The following SHCBP1L variants were observed in gnomAD, a reference collection of about 807,000 sequenced individuals.
SHCBP1L encodes SHC binding and spindle associated 1 like.
SHCBP1L carries 67 observed loss-of-function variants against 62.5 expected under a neutral mutation model. The observed-to-expected ratio is 1.07, with a 90% CI of 0.88 to 1.31. SHCBP1L has a LOEUF of 1.31. Among genes scored for constraint, SHCBP1L ranks in the 40% most tolerant of loss-of-function variants. The probability of loss-of-function intolerance (pLI) is 0.00; values close to 1 mark genes in which losing one functional copy is unlikely to be tolerated. For missense variants in SHCBP1L, 823 were observed against 809.8 expected (o/e 1.02, Z -0.20); for synonymous variants, 284 against 289.4 (o/e 0.98, Z 0.19).
rs371432299 is a variant in SHCBP1L at position 182,915,161 on chromosome 1, CAAAAAAAAAAAAA to C, written c.1183-9525_1183-9513del. On this transcript the variant is annotated intron_variant, in intron 6 of 9. Transcript: ENST00000367547. The stretch of plus-strand genomic sequence containing the variant: ...TGGGCAACAGAGGCAGACTCTGTCT[CAAAAAAAAAAAAA>C]AAAAAAAAAAAAAAAAAAAAAGAAT... Among the ~76,000 whole-genome samples, 70 of 31,892 alleles carry C rather than the reference CAAAAAAAAAAAAA, an allele frequency of 2.2e-3. No individual in the cohort carries two copies. In the East Asian group the frequency reaches 0.043, roughly 20 times the overall value. 20.9% of individuals were successfully genotyped at this position (31,892 alleles called of 152,430 possible).
intron 6 of SHCBP1L, among the ~76,000 whole-genome samples, chr1:182,914,552 A>C (rs961587609): frequency 1.3e-5 from 2 of 152,184 alleles, no homozygotes; most frequent in Non-Finnish European, 2.9e-5. Flanking sequence ...ATCAATTCAA[A>C]CTCAATCGTT....
chr1:182,950,363 C>T (rs1360414997), intron 2 of SHCBP1L, among the ~76,000 whole-genome samples: 2 of 152,114 alleles, frequency 1.3e-5, no homozygotes, highest in Non-Finnish European at 2.9e-5. Flanking sequence ...TGCAGTGACT[C>T]ATGCCTGTAA....
At chr1:182,949,253 T>C (rs372643812) in intron 2 of SHCBP1L, among the ~76,000 whole-genome samples, 2 of 149,596 alleles carry the variant, frequency 1.3e-5, no homozygotes, top group African/African-American at 2.5e-5. Flanking sequence ...TAAAACCTGA[T>C]TGAAAAAAAA....
At chr1:182,934,876 T>G (rs1651116558) in intron 5 of SHCBP1L, among the ~76,000 whole-genome samples, 1 of 152,186 alleles carries the variant, frequency 6.6e-6, no homozygotes, top group South Asian at 2.1e-4. Context: ...TTTTTGGATA[T>G]AGATATTCAA....
chr1:182,952,815 G>GCA lies in SHCBP1L; in HGVS notation c.317_318dup (p.Pro107CysfsTer9). On this transcript the variant is annotated frameshift_variant, in exon 1 of 10. Coordinates refer to ENST00000367547, the MANE Select transcript of SHCBP1L (RefSeq NM_030933.4). LOFTEE classifies it high-confidence loss of function. ...CTCATACGGGACACGCAGACTGGGG[G>GCA]CAGGGGCTGCGCCTCCTCTTCATCC... 2 of 1,612,566 alleles carry GCA rather than the reference G, an allele frequency of 1.2e-6. No individual in the cohort carries two copies. The highest frequency in any genetic ancestry group is 2.2e-5 in the South Asian group (2 of 90,926).
At chr1:182,907,689 C>T (rs914005721) in intron 6 of SHCBP1L, among the ~76,000 whole-genome samples, 1 of 151,862 alleles carries the variant, frequency 6.6e-6, no homozygotes, top group Non-Finnish European at 1.5e-5. Flanking sequence ...AGTGATTCTC[C>T]TGCCTCAGCC....
chr1:182,924,974 GAAA>G lies in SHCBP1L; in HGVS notation c.1182+4670_1182+4672del, dbSNP rs772984933. ...AGAAAGAAAGAAAGAAAGAAAGAAA[GAAA>G]AAAAAAGGAAGAAGGAAAGGAAGGA... On this transcript the variant is annotated intron_variant, in intron 6 of 9. Coordinates refer to ENST00000367547, the MANE Select transcript of SHCBP1L (RefSeq NM_030933.4). Among the ~76,000 whole-genome samples, 883 of 109,412 alleles carry G rather than the reference GAAA, an allele frequency of 8.1e-3. 4 individuals carry two copies. The highest frequency in any genetic ancestry group is 0.023 in the African/African-American group (610 of 26,066). The allele number at this position is 109,412 out of a possible 152,430, so 71.8% of individuals were successfully genotyped here. A position where few individuals can be genotyped will look rare whatever the true frequency, so the allele number is the denominator to read the frequency against.
chr1:182,913,004 G>A (rs1410395230), intron 6 of SHCBP1L, among the ~76,000 whole-genome samples: 16 of 151,698 alleles, frequency 1.1e-4, no homozygotes, highest in Non-Finnish European at 1.5e-5. Context: ...GTGTGGTGGT[G>A]TGCGCCTGTA....
rs762896517 is a variant in SHCBP1L at position 182,940,559 on chromosome 1, TAA to T, written c.556-18_556-17del. The T allele has an allele frequency of 1.3e-6, 2 of 1,593,680 alleles. No individual in the cohort carries two copies. Among genetic ancestry groups the T allele is most frequent in the Admixed American group, 3.4e-5 (2 of 59,454 alleles). On this transcript the variant is annotated splice_polypyrimidine_tract_variant and intron_variant, in intron 2 of 9. Transcript: ENST00000367547. ...CACAAGTTACCTAAGATAAATATCATAAGAGATAAGAGATATAGTTATAAATA... is the reference window on the plus strand; with the variant it reads ...CACAAGTTACCTAAGATAAATATCATGAGATAAGAGATATAGTTATAAATA...
chr1:182,928,237 A>G (rs1036809804), intron 6 of SHCBP1L, among the ~76,000 whole-genome samples: 2 of 152,096 alleles, frequency 1.3e-5, no homozygotes, highest in African/African-American at 2.4e-5. Context: ...CCTCATATAT[A>G]CTAACCTCTC....
At chr1:182,919,232 G>A (rs533724589) in intron 6 of SHCBP1L, among the ~76,000 whole-genome samples, 2 of 152,298 alleles carry the variant, frequency 1.3e-5, no homozygotes, top group Non-Finnish European at 2.9e-5. Flanking sequence ...CAGTTCTGGA[G>A]GCTAGGAAGT....
At chr1:182,908,320 C>T (rs12410286) in intron 6 of SHCBP1L, among the ~76,000 whole-genome samples, 1,526 of 152,114 alleles carry the variant, frequency 0.01, 23 homozygotes, top group African/African-American at 0.032. Context: ...ATGTTTGTGT[C>T]CATGTGTGCT....
At chr1:182,932,724 A>G (rs1651047679) in intron 5 of SHCBP1L, among the ~76,000 whole-genome samples, 2 of 152,112 alleles carry the variant, frequency 1.3e-5, no homozygotes, top group African/African-American at 2.4e-5. Context: ...CGAACTCTTG[A>G]CCTCAGGTGA....
intron 2 of SHCBP1L, among the ~76,000 whole-genome samples, chr1:182,950,220 A>C (rs1445373132): frequency 6.6e-6 from 1 of 152,228 alleles, no homozygotes; most frequent in African/African-American, 2.4e-5. Context: ...TAAACTAACT[A>C]TCTGGGGTAA....
chr1:182,952,768 C>T lies in SHCBP1L; in HGVS notation c.366G>A (p.Lys122=). 1.2e-6 allele frequency: 2 copies of T among 1,612,020 alleles called. No homozygotes were observed. The highest frequency in any genetic ancestry group is 1.7e-6 in the Non-Finnish European group (2 of 1,179,248). The change falls in exon 1 of 10, where the codon AAG becomes AAA. Residue 122 remains lysine (K), a synonymous_variant. Coordinates refer to ENST00000367547, the MANE Select transcript of SHCBP1L (RefSeq NM_030933.4). ...GCACTTCGTCGCAATACAGCGACAC[C>T]TTCTCGTCCCGCCACATCCCCCTCA... ...SRMRGMWRDE[K]VSLYCDEVLQ...
At chr1:182,942,528 G>A (rs1159733223) in intron 2 of SHCBP1L, 5 of 563,634 alleles carry the variant, frequency 8.9e-6, no homozygotes, top group Non-Finnish European at 1.6e-5. Context: ...CCCACCAAGA[G>A]TAAAATTCTT....
chr1:182,919,472 A>C (rs1251644428), intron 6 of SHCBP1L, among the ~76,000 whole-genome samples: 1 of 152,182 alleles, frequency 6.6e-6, no homozygotes, highest in Admixed American at 6.5e-5. Context: ...ACCTCCCATT[A>C]GGCTTCATCT....
intron 6 of SHCBP1L, among the ~76,000 whole-genome samples, chr1:182,919,440 G>A (rs1432219231): frequency 6.6e-6 from 1 of 152,170 alleles, no homozygotes; most frequent in East Asian, 1.9e-4. Flanking sequence ...ATCCATTTGT[G>A]AGGGCCCTAT....
chr1:182,915,806 C>A (rs375858425), intron 6 of SHCBP1L, among the ~76,000 whole-genome samples: 1 of 133,234 alleles, frequency 7.5e-6, no homozygotes, highest in African/African-American at 2.9e-5. Flanking sequence ...ACAACGTATT[C>A]TTTTTTTTTT....
Sources: gnomAD v4.1 joint callset for allele counts (sites outside exome capture counted in the v4.1 genomes callset) on GRCh38, gnomAD v4.1.1 for gene constraint, MANE v1.5 for transcripts, NCBI Gene and HGNC (gene_info 2026-07-23, HGNC 2026-07-21) for gene names.